The following SLC35F1 variants were observed in gnomAD, a reference collection of about 807,000 sequenced individuals.
The protein encoded by SLC35F1 is solute carrier family 35 member F1, also known as chromosome 6 open reading frame 169.
In SLC35F1, 14 loss-of-function variants were observed where a neutral mutation model predicts 48.7. The ratio of observed to expected loss-of-function variants is 0.29; its 90% CI spans 0.19 to 0.45. The LOEUF (loss-of-function observed/expected upper bound fraction) is 0.45. Among genes scored for constraint, SLC35F1 ranks in the 20% least tolerant of loss-of-function variants. SLC35F1 has a pLI of 1.00. For missense variants in SLC35F1, 404 were observed against 500.0 expected, an observed-to-expected ratio of 0.81 and a Z score of 1.83; for synonymous variants, 190 against 202.2, an observed-to-expected ratio of 0.94 and a Z score of 0.51.
At chr6:118,270,239 G>T (rs144813733) in intron 4 of SLC35F1, among the ~76,000 whole-genome samples, 2 of 151,908 alleles carry the variant, frequency 1.3e-5, no homozygotes, top group African/African-American at 4.8e-5. Context: ...ATTCCACTTC[G>T]TCAGCATGTT....
At chr6:118,204,069 A>G (rs1047572888) in intron 2 of SLC35F1, among the ~76,000 whole-genome samples, 1 of 151,584 alleles carries the variant, frequency 6.6e-6, no homozygotes, top group Non-Finnish European at 1.5e-5. Context: ...TTTATCTAGG[A>G]TGGTCAGAGA....
intron 2 of SLC35F1, among the ~76,000 whole-genome samples, chr6:118,202,327 A>G (rs1395738254): frequency 1.3e-5 from 2 of 151,826 alleles, no homozygotes; most frequent in Admixed American, 1.3e-4. Flanking sequence ...AGCTTCCATC[A>G]CTACAAAAAT....
rs550706382 is a variant in SLC35F1, at chr6:118,204,887, T to TA, written c.350-30619dup. ...CTAGCTGATTAGCCACACTAAGCAT[T>TA]AAAGCTCCTTGCGTGCCAAGAAAAA... On this transcript the variant is annotated intron_variant, in intron 2 of 7. Transcript: ENST00000360388. Among the ~76,000 whole-genome samples, 570 of 152,286 alleles carry TA rather than the reference T, an allele frequency of 3.7e-3. 2 individuals are homozygous for TA. The highest frequency in any genetic ancestry group is 0.013 in the African/African-American group (544 of 41,554).
chr6:118,001,292 G>A (rs1388477709), intron 1 of SLC35F1, among the ~76,000 whole-genome samples: 3 of 151,950 alleles, frequency 2.0e-5, no homozygotes, highest in African/African-American at 7.3e-5. Flanking sequence ...CAGAAATAAC[G>A]CCACATATCT....
intron 1 of SLC35F1, among the ~76,000 whole-genome samples, chr6:118,106,876 G>A (rs1773333936): frequency 6.6e-6 from 1 of 152,154 alleles, no homozygotes; most frequent in Non-Finnish European, 1.5e-5. Context: ...TGCTTTGGAT[G>A]TTCTTACCTC....
chr6:118,256,540 C>G (rs1775648737), intron 3 of SLC35F1, among the ~76,000 whole-genome samples: 3 of 152,012 alleles, frequency 2.0e-5, no homozygotes, highest in African/African-American at 7.3e-5. Flanking sequence ...GGGCACAGAC[C>G]ATTAGAAAGA....
chr6:118,185,705 G>A (rs73766455), intron 2 of SLC35F1, among the ~76,000 whole-genome samples: 4,685 of 152,116 alleles, frequency 0.031, 239 homozygotes, highest in African/African-American at 0.11. Context: ...ACTCAGACAA[G>A]GCCACCTAGA....
chr6:117,986,506 A>G (rs1255090404), intron 1 of SLC35F1, among the ~76,000 whole-genome samples: 1 of 152,204 alleles, frequency 6.6e-6, no homozygotes. Flanking sequence ...TACAAGTGCT[A>G]GAGCCACCCT....
At chr6:118,122,716 C>T (rs779396641) in intron 1 of SLC35F1, among the ~76,000 whole-genome samples, 10 of 152,276 alleles carry the variant, frequency 6.6e-5, no homozygotes, top group Non-Finnish European at 1.0e-4. Flanking sequence ...ACAAGCTGTG[C>T]TGTGGCCAAA....
At chr6:118,071,073 C>CACATAG (rs1562280985) in intron 1 of SLC35F1, among the ~76,000 whole-genome samples, 98 of 1,116 alleles carry the variant, frequency 0.088, 1 homozygote, top group East Asian at 0.25. Context: ...CGTATATATA[C>CACATAG]TATGTGTATA....
intron 1 of SLC35F1, among the ~76,000 whole-genome samples, chr6:117,945,254 G>T (rs1040285033): frequency 6.6e-6 from 1 of 152,150 alleles, no homozygotes; most frequent in African/African-American, 2.4e-5. Flanking sequence ...TTGCACTACT[G>T]ACTCTTCTTA....
At chr6:118,275,432 CTGTT>C (rs368419150) in intron 4 of SLC35F1, 23 bp from the exon 5 acceptor site, 20 of 1,597,334 alleles carry the variant, frequency 1.3e-5, no homozygotes, top group African/African-American at 4.0e-5. Context: ...GATGCTCCCT[CTGTT>C]TGTTTGTTTG....
chr6:117,996,831 G>A (rs1163491454), intron 1 of SLC35F1, among the ~76,000 whole-genome samples: 2 of 152,180 alleles, frequency 1.3e-5, no homozygotes, highest in Non-Finnish European at 2.9e-5. Context: ...GGAAAAAACA[G>A]AGCAGAAAAA....
chr6:118,269,152 A>C (rs1029786160), intron 4 of SLC35F1, among the ~76,000 whole-genome samples: 2 of 152,210 alleles, frequency 1.3e-5, no homozygotes, highest in Non-Finnish European at 2.9e-5. Context: ...TGTTGTTTTG[A>C]TTTTAAATGA....
intron 1 of SLC35F1, among the ~76,000 whole-genome samples, chr6:117,982,740 C>G (rs151288746): frequency 0.012 from 1,811 of 152,288 alleles, 21 homozygotes; most frequent in Middle Eastern, 0.037. Flanking sequence ...GGCATCAGAT[C>G]TGGAGCTTGA....
chr6:118,198,952 A>G (rs1330049182), intron 2 of SLC35F1, among the ~76,000 whole-genome samples: 1 of 152,224 alleles, frequency 6.6e-6, no homozygotes, highest in Non-Finnish European at 1.5e-5. Flanking sequence ...ACTCACAGAC[A>G]GCAAGAATCA....
chr6:117,932,775 G>A (rs1441945146), intron 1 of SLC35F1, among the ~76,000 whole-genome samples: 2 of 152,120 alleles, frequency 1.3e-5, no homozygotes, highest in African/African-American at 2.4e-5. Flanking sequence ...TTCCTTTGGA[G>A]GTGACTGGCA....
At chr6:118,088,740 A>G (rs9398483) in intron 1 of SLC35F1, among the ~76,000 whole-genome samples, 149,537 of 152,276 alleles carry the variant, frequency 0.98, 73,496 homozygotes, top group Middle Eastern at 1. Context: ...GGGGTGATGG[A>G]ACTGACACCA....
intron 1 of SLC35F1, among the ~76,000 whole-genome samples, chr6:118,007,610 A>C (rs1282613397): frequency 1.3e-5 from 2 of 152,174 alleles, no homozygotes; most frequent in African/African-American, 4.8e-5. Context: ...CTCATTCATA[A>C]AATTTTATAA....
Sources: allele counts gnomAD v4.1 joint callset (sites outside exome capture counted in the v4.1 genomes callset), GRCh38; gene constraint gnomAD v4.1.1; transcripts MANE v1.5; gene names NCBI Gene and HGNC (gene_info 2026-07-23, HGNC 2026-07-21).